Variants in PATL2 observed in about 807,000 individuals in gnomAD.
PATL2 encodes protein PAT1 homolog 2.
Under a neutral mutation model 77.0 loss-of-function variants are expected in PATL2, and 73 were observed. The observed-to-expected ratio is 0.95, with a 90% CI of 0.78 to 1.15. The LOEUF is 1.15. Ranked by LOEUF, PATL2 falls within the 50% of genes most tolerant of loss-of-function variation. The pLI is 0.00. For missense variants in PATL2, 618 were observed against 655.4 expected (o/e 0.94, Z 0.62); for synonymous variants, 265 against 257.1 (o/e 1.03, Z -0.29).
At chr15:44,671,885 C>A in intron 9 of PATL2, 130 bp downstream of exon 9, 1 of 1,157,626 alleles carries the variant, frequency 8.6e-7, no homozygotes, top group Non-Finnish European at 1.2e-6. Context: ...GGCCCCCATC[C>A]TGTAGTGATT....
chr15:44,708,321 C>A (rs1294429503), intron 3 of PATL2, among the ~76,000 whole-genome samples: 1 of 152,192 alleles, frequency 6.6e-6, no homozygotes, highest in Non-Finnish European at 1.5e-5. Context: ...GCTCCACCTC[C>A]CCTAGCTATG....
At position 44,683,192 on chromosome 15, in the gene PATL2, G is replaced by GT. The variant is rs746909247; in HGVS notation, c.-75-6628dup. Among the ~76,000 whole-genome samples, 41 of 149,654 alleles carry GT rather than the reference G, an allele frequency of 2.7e-4. No homozygotes were observed. In the Middle Eastern group the frequency reaches 0.014, roughly 50 times the overall value. On this transcript the variant is annotated intron_variant, in intron 3 of 17. Coordinates refer to ENST00000682850, the MANE Select transcript of PATL2 (RefSeq NM_001387263.1). ...TTGGGCAGACACTGAGCTAGCTGCA[G>GT]TTTTTTTTTTCATACCCCAGTGGCG...
intron 3 of PATL2, among the ~76,000 whole-genome samples, chr15:44,693,388 A>G (rs1211873050): frequency 6.6e-6 from 1 of 152,156 alleles, no homozygotes; most frequent in Non-Finnish European, 1.5e-5. Context: ...GGCCACCTGC[A>G]TCCCTTGATT....
At chr15:44,700,354 T>C (rs1595987901) in intron 3 of PATL2, among the ~76,000 whole-genome samples, 1 of 152,296 alleles carries the variant, frequency 6.6e-6, no homozygotes, top group Admixed American at 6.5e-5. Context: ...TAGGCTGGAG[T>C]GCAGTGGTGC....
Position 44,670,074 on chromosome 15 carries a change from T to C in PATL2, c.671A>G (p.Lys224Arg). 1.9e-6 allele frequency: 3 copies of C among 1,551,672 alleles called. No homozygotes were observed. Among genetic ancestry groups the C allele is most frequent in the Middle Eastern group, 3.3e-4 (2 of 5,992 alleles). ...TTCGTCTGCCTGCTTCTTCTCTAGC[T>C]TCTGGTAATATTCCTGAGAATGCAC... ...DDYYYQEYYQ[K>R]LEKKQADEEL... Residue 224 changes from lysine (K) to arginine (R), a missense_variant, in exon 10 of 18, where the codon AAG becomes AGG. Transcript: ENST00000682850.
rs1377468966 is a variant in PATL2, at chr15:44,688,755, A to T, written c.-75-12190T>A. Among the ~76,000 whole-genome samples the T allele has an allele frequency of 1.3e-5, 2 of 152,160 alleles. 1 individual carries two copies. Among genetic ancestry groups the T allele is most frequent in the African/African-American group, 4.8e-5 (2 of 41,428 alleles). The stretch of plus-strand genomic sequence containing the variant: ...AAATGTAAGATTGAAAACCATAAAA[A>T]CCCCAGAAGAAAACCTAGGCAATAC... On this transcript the variant is annotated intron_variant, in intron 3 of 17. Coordinates refer to ENST00000682850, the MANE Select transcript of PATL2 (RefSeq NM_001387263.1).
chr15:44,668,276 C>T, intron 15 of PATL2, 66 bp downstream of exon 15: 2 of 1,493,388 alleles, frequency 1.3e-6, no homozygotes, highest in Non-Finnish European at 1.8e-6. Context: ...TGTCCCCCAA[C>T]TTACCCCTTA....
chr15:44,666,968 C>T (rs949047990), intron 16 of PATL2, 138 bp downstream of exon 16: 5 of 689,580 alleles, frequency 7.3e-6, no homozygotes, highest in Non-Finnish European at 1.2e-5. Flanking sequence ...AAAAGCAGAA[C>T]AGCTACAACA....
Position 44,672,179 on chromosome 15 carries a change from C to G in PATL2, c.516-23G>C, listed in dbSNP as rs1264354523. 4 of 1,551,628 alleles carry G rather than the reference C, an allele frequency of 2.6e-6. No individual in the cohort carries two copies. In the South Asian group the frequency reaches 4.8e-5, roughly 18 times the overall value. On this transcript the variant is annotated intron_variant, in intron 8 of 17. Coordinates refer to ENST00000682850, the MANE Select transcript of PATL2 (RefSeq NM_001387263.1). ...GGACTTTAAGCCAGGAGGAACAACC[C>G]TTTAGACTTACCCACCACTGGCACT...
rs770146930 is a variant in PATL2, at chr15:44,675,582, G to GTCCTCCTCCTCT, written c.114_125dup (p.Glu38_Glu41dup). The GTCCTCCTCCTCT allele has an allele frequency of 1.3e-6, 2 of 1,551,486 alleles. No homozygotes were observed. The highest frequency in any genetic ancestry group is 2.4e-5 in the East Asian group (1 of 40,914). On this transcript the variant is annotated inframe_insertion, in exon 5 of 18. Transcript: ENST00000682850. ...CCAGATCTGGGTCCAGATCCTCCTC[G>GTCCTCCTCCTCT]TCCTCCTCCTCTTCCTCCTCCTCCC... is the stretch of plus-strand genomic sequence containing the variant.
chr15:44,667,605 T>G (rs2141163472), intron 15 of PATL2, among the ~76,000 whole-genome samples: 1 of 152,274 alleles, frequency 6.6e-6, no homozygotes, highest in African/African-American at 2.4e-5. Flanking sequence ...GCATCAAAAT[T>G]TTCACATCTA....
chr15:44,677,963 G>C (rs558129160), intron 3 of PATL2, among the ~76,000 whole-genome samples: 1 of 152,056 alleles, frequency 6.6e-6, no homozygotes. Context: ...TCAGCCTCCC[G>C]AGTAGCTGGG....
intron 3 of PATL2, among the ~76,000 whole-genome samples, chr15:44,695,599 G>T (rs1194034941): frequency 6.6e-6 from 1 of 152,126 alleles, no homozygotes; most frequent in East Asian, 1.9e-4. Flanking sequence ...CCAGGGCACC[G>T]GCTGCCGGCT....
chr15:44,667,642 CT>C (rs2085449573), intron 15 of PATL2, among the ~76,000 whole-genome samples: 1 of 152,136 alleles, frequency 6.6e-6, no homozygotes. Context: ...AATTTTCTGT[CT>C]TTTATTATAT....
intron 3 of PATL2, among the ~76,000 whole-genome samples, chr15:44,686,131 G>C (rs945293694): frequency 7.3e-5 from 11 of 150,426 alleles, no homozygotes; most frequent in African/African-American, 2.7e-4. Context: ...CATCGCACTT[G>C]TTCTAAAATT....
At chr15:44,672,835 C>T (rs1441828244) in intron 7 of PATL2, among the ~76,000 whole-genome samples, 1 of 152,216 alleles carries the variant, frequency 6.6e-6, no homozygotes, top group African/African-American at 2.4e-5. Context: ...TCTCAGCTCA[C>T]TGCAACCTCT....
Position 44,673,332 on chromosome 15 carries a change from T to C in PATL2, c.349A>G (p.Ser117Gly), listed in dbSNP as rs2085784532. ...SPIPFWPTFP[S>G]TSSPAQHFGP... is the part of the protein sequence containing the mutation. The stretch of plus-strand genomic sequence containing the variant: ...AAGTGCTGTGCTGGAGAGCTGGTGC[T>C]GGGAAATGTAGGCCAGAAAGGGATG... Residue 117 changes from serine to glycine, a missense_variant, in exon 7 of 18, where the codon AGC becomes GGC. Coordinates refer to ENST00000682850, the MANE Select transcript of PATL2 (RefSeq NM_001387263.1). 6.4e-7 allele frequency: 1 copy of C among 1,551,628 alleles called. No individual in the cohort carries two copies. Among genetic ancestry groups the C allele is most frequent in the Non-Finnish European group, 8.7e-7 (1 of 1,146,958 alleles).
chr15:44,668,771 C>T (rs2085510904), intron 14 of PATL2, among the ~76,000 whole-genome samples: 1 of 152,188 alleles, frequency 6.6e-6, no homozygotes. Flanking sequence ...CAACCATACA[C>T]CTGTTGCTTT....
intron 16 of PATL2, 102 bp from the exon 17 acceptor site, chr15:44,666,643 C>A: frequency 8.0e-7 from 1 of 1,247,834 alleles, no homozygotes; most frequent in South Asian, 1.6e-5. Context: ...CCATTGTCCC[C>A]CACCCCCAGG....
Sources: gnomAD v4.1 joint callset for allele counts (sites outside exome capture counted in the v4.1 genomes callset) on GRCh38, gnomAD v4.1.1 for gene constraint, MANE v1.5 for transcripts, NCBI Gene and HGNC (gene_info 2026-07-23, HGNC 2026-07-21) for gene names.